Variants in CCDC126 observed in about 807,000 individuals in gnomAD.
The protein encoded by CCDC126 is coiled-coil domain-containing protein 126.
Under a neutral mutation model 11.7 loss-of-function variants are expected in CCDC126, and 5 were observed. The ratio of observed to expected loss-of-function variants is 0.43; its 90% CI spans 0.22 to 0.90. The LOEUF (loss-of-function observed/expected upper bound fraction) is 0.90. Among genes scored for constraint, CCDC126 ranks in the 40% least tolerant of loss-of-function variants. The pLI is 0.27. For missense variants in CCDC126, 150 were observed against 163.1 expected (o/e 0.92, Z 0.44); for synonymous variants, 60 against 61.9 (o/e 0.97, Z 0.14).
chr7:23,629,606 G>C (rs1422761499), intron 3 of CCDC126, among the ~76,000 whole-genome samples: 1 of 151,546 alleles, frequency 6.6e-6, no homozygotes, highest in Non-Finnish European at 1.5e-5. Flanking sequence ...AAAAAAAATA[G>C]AAAGTCTCAG....
At chr7:23,640,911 G>T (rs1783342582) in intron 3 of CCDC126, among the ~76,000 whole-genome samples, 1 of 147,502 alleles carries the variant, frequency 6.8e-6, no homozygotes, top group Non-Finnish European at 1.5e-5. Context: ...CACTTGAGTT[G>T]TTTCTACCTT....
chr7:23,611,245 TCAA>T lies in CCDC126; in HGVS notation c.-70_-68del. On this transcript the variant is annotated 5_prime_UTR_variant, in exon 3 of 4. Transcript: ENST00000307471. ...TGAGGATATTTTTTTCTTTTTTTTTTCAAGTCTTGATTTGTGGCTTACCTCAAG... is the reference window on the plus strand; with the variant it reads ...TGAGGATATTTTTTTCTTTTTTTTTTGTCTTGATTTGTGGCTTACCTCAAG... 1.1e-6 allele frequency: 1 copy of T among 910,866 alleles called. No homozygotes were observed. The allele number at this position is 910,866 out of a possible 1,614,324, so 56.4% of individuals were successfully genotyped here. A position where few individuals can be genotyped will look rare whatever the true frequency, so the allele number is the denominator to read the frequency against.
chr7:23,627,317 C>G (rs572181877), intron 3 of CCDC126, among the ~76,000 whole-genome samples: 3 of 151,860 alleles, frequency 2.0e-5, no homozygotes, highest in Non-Finnish European at 2.9e-5. Flanking sequence ...GGAGTTGAGA[C>G]CAACTTGGGC....
In CCDC126 at chr7:23,611,300, G is replaced by C; in HGVS notation, c.-16G>C. Reference sequence around the variant, plus strand: ...TACCATTTTTCAGTCAAGTCTGTTTGTTTGCTTCTTCAGAAATGTTTTTTA... The same window carrying C: ...TACCATTTTTCAGTCAAGTCTGTTTCTTTGCTTCTTCAGAAATGTTTTTTA... On this transcript the variant is annotated 5_prime_UTR_variant, in exon 3 of 4. Transcript: ENST00000307471. The C allele has an allele frequency of 6.6e-7, 1 of 1,516,152 alleles. No homozygotes were observed. Among genetic ancestry groups the C allele is most frequent in the Non-Finnish European group, 9.1e-7 (1 of 1,094,712 alleles). 93.9% of individuals were successfully genotyped at this position (1,516,152 alleles called of 1,614,324 possible). A position where few individuals can be genotyped will look rare whatever the true frequency, so the allele number is the denominator to read the frequency against.
chr7:23,621,318 A>G (rs227926), intron 3 of CCDC126, among the ~76,000 whole-genome samples: 72,330 of 150,048 alleles, frequency 0.48, 17,781 homozygotes, highest in South Asian at 0.65. Flanking sequence ...TGGATTCCTA[A>G]GTATTTTATT....
chr7:23,626,863 G>T (rs1783024405), intron 3 of CCDC126, among the ~76,000 whole-genome samples: 1 of 152,176 alleles, frequency 6.6e-6, no homozygotes, highest in Non-Finnish European at 1.5e-5. Flanking sequence ...ACTTTATAAT[G>T]ACCTGTACAT....
chr7:23,629,824 C>G (rs990474846), intron 3 of CCDC126, among the ~76,000 whole-genome samples: 1 of 152,190 alleles, frequency 6.6e-6, no homozygotes, highest in Admixed American at 6.5e-5. Flanking sequence ...ATAGAGCTTC[C>G]AGAACCTCTG....
intron 2 of CCDC126, among the ~76,000 whole-genome samples, chr7:23,601,252 A>G (rs973536216): frequency 1.3e-5 from 2 of 152,086 alleles, no homozygotes; most frequent in Non-Finnish European, 1.5e-5. Flanking sequence ...GTAGTGGCAC[A>G]CACCTGTAGT....
At chr7:23,600,374 A>ACCCC (rs35190673) in intron 2 of CCDC126, among the ~76,000 whole-genome samples, 28 of 80,620 alleles carry the variant, frequency 3.5e-4, no homozygotes, top group Non-Finnish European at 5.9e-4. Context: ...TTCTGTGTTA[A>ACCCC]CCCCCCCCCC....
At chr7:23,640,407 G>T (rs1002186648) in intron 3 of CCDC126, among the ~76,000 whole-genome samples, 1 of 151,604 alleles carries the variant, frequency 6.6e-6, no homozygotes, top group African/African-American at 2.4e-5. Flanking sequence ...TGACGCAGGC[G>T]AATCACTTGT....
At chr7:23,601,604 A>G (rs1462383392) in intron 2 of CCDC126, among the ~76,000 whole-genome samples, 4 of 152,110 alleles carry the variant, frequency 2.6e-5, no homozygotes, top group African/African-American at 9.7e-5. Context: ...GTTTCTCTGT[A>G]TGTTTGACTT....
intron 3 of CCDC126, among the ~76,000 whole-genome samples, chr7:23,613,909 C>A (rs1175795243): frequency 2.0e-5 from 3 of 152,182 alleles, no homozygotes; most frequent in Admixed American, 6.5e-5. Context: ...AATGTACATA[C>A]CTTAATTGAA....
intron 3 of CCDC126, among the ~76,000 whole-genome samples, chr7:23,636,777 G>T (rs1266355868): frequency 1.4e-5 from 2 of 141,950 alleles, no homozygotes; most frequent in Admixed American, 6.8e-5. Context: ...GGTGGGGGGG[G>T]GGTCAGCCCC....
At chr7:23,636,008 G>A (rs1279486306) in intron 3 of CCDC126, among the ~76,000 whole-genome samples, 1 of 151,110 alleles carries the variant, frequency 6.6e-6, no homozygotes, top group South Asian at 2.1e-4. Context: ...TCAGCCTGCC[G>A]AGTGCCGCCA....
chr7:23,638,727 T>TAAAAAAAAAAAAAAAAAAAAAAAAAA (rs70954398), intron 3 of CCDC126, among the ~76,000 whole-genome samples: 2 of 89,672 alleles, frequency 2.2e-5, no homozygotes, highest in African/African-American at 4.0e-5. Flanking sequence ...AAAAAAAAAT[T>TAAAAAAAAAAAAAAAAAAAAAAAAAA]AAAAAAAAAA....
intron 2 of CCDC126, among the ~76,000 whole-genome samples, chr7:23,605,142 A>G (rs1302224735): frequency 3.9e-5 from 6 of 152,226 alleles, no homozygotes; most frequent in Non-Finnish European, 7.3e-5. Context: ...TTGTAGGGAA[A>G]GTACTCCAAG....
At chr7:23,601,267 G>T (rs780555239) in intron 2 of CCDC126, among the ~76,000 whole-genome samples, 2 of 152,122 alleles carry the variant, frequency 1.3e-5, no homozygotes, top group Non-Finnish European at 2.9e-5. Flanking sequence ...TGTAGTCCCA[G>T]CTGCTTAGGA....
At chr7:23,613,764 T>A (rs550712231) in intron 3 of CCDC126, among the ~76,000 whole-genome samples, 2 of 152,322 alleles carry the variant, frequency 1.3e-5, no homozygotes, top group Non-Finnish European at 2.9e-5. Context: ...TGGATTCTGT[T>A]CCAAACCACA....
intron 2 of CCDC126, among the ~76,000 whole-genome samples, chr7:23,600,347 T>G (rs997975837): frequency 2.7e-5 from 4 of 147,936 alleles, no homozygotes; most frequent in Non-Finnish European, 1.5e-5. Flanking sequence ...GACCTTATTA[T>G]GGAGCGAATG....
Sources: allele counts gnomAD v4.1 joint callset (sites outside exome capture counted in the v4.1 genomes callset), GRCh38; gene constraint gnomAD v4.1.1; transcripts MANE v1.5; gene names NCBI Gene and HGNC (gene_info 2026-07-23, HGNC 2026-07-21).